Variants in IL21R observed in about 807,000 individuals in gnomAD.
IL21R encodes the protein interleukin 21 receptor, also known as interleukin-21 receptor.
In IL21R, 14 loss-of-function variants were observed where a neutral mutation model predicts 41.3. The ratio of observed to expected loss-of-function variants is 0.34; its 90% CI spans 0.22 to 0.53. The LOEUF is 0.53. Ranked by LOEUF, IL21R falls within the 20% of genes least tolerant of loss-of-function variation. The pLI is 0.94. For missense variants in IL21R, 588 were observed against 681.6 expected (o/e 0.86, Z 1.53); for synonymous variants, 286 against 287.6 (o/e 0.99, Z 0.05).
chr16:27,451,900 T>C lies in IL21R; in HGVS notation c.*2617T>C, dbSNP rs1225809951. ...AAAGCTTGAAGGAAGAATGATTGGT[T>C]GGATAGACAGAGATAAATGCATACT... On this transcript the variant is annotated 3_prime_UTR_variant, in exon 9 of 9. Coordinates refer to ENST00000337929, the MANE Select transcript of IL21R (RefSeq NM_181078.3). 1 of 229,996 alleles carries C rather than the reference T, an allele frequency of 4.3e-6. No individual in the cohort carries two copies. The highest frequency in any genetic ancestry group is 8.6e-6 in the Non-Finnish European group (1 of 116,046). The allele number at this position is 229,996 out of a possible 1,614,324, so 14.2% of individuals were successfully genotyped here.
intron 4 of IL21R, among the ~76,000 whole-genome samples, chr16:27,440,259 A>AGAGAGAGC (rs2087361919): frequency 7.4e-6 from 1 of 135,830 alleles, no homozygotes; most frequent in African/African-American, 3.0e-5. Flanking sequence ...AGAGAGAGAG[A>AGAGAGAGC]GAGAGAGAGA....
chr16:27,443,177 A>T, intron 5 of IL21R, 61 bp downstream of exon 5: 1 of 1,433,642 alleles, frequency 7.0e-7, no homozygotes, highest in Non-Finnish European at 9.5e-7. Context: ...CGGAGTGCAA[A>T]GGCATCTGGG....
chr16:27,442,440 T>C (rs1412947004), intron 4 of IL21R, among the ~76,000 whole-genome samples: 1 of 152,212 alleles, frequency 6.6e-6, no homozygotes, highest in Non-Finnish European at 1.5e-5. Context: ...CTTGGCTCAC[T>C]CCAAGCTCTG....
intron 8 of IL21R, 70 bp downstream of exon 8, chr16:27,446,158 C>A (rs2087474818): frequency 4.0e-6 from 5 of 1,244,066 alleles, no homozygotes; most frequent in South Asian, 1.3e-5. Context: ...CCTCCCCTCA[C>A]CCCAGGCTCC....
intron 1 of IL21R, among the ~76,000 whole-genome samples, chr16:27,424,986 A>G (rs569010377): frequency 6.6e-6 from 1 of 152,282 alleles, no homozygotes; most frequent in African/African-American, 2.4e-5. Flanking sequence ...ACTTCTGAAC[A>G]ATTAGATCTC....
At chr16:27,437,796 G>A in intron 4 of IL21R, 109 bp downstream of exon 4, 1 of 829,802 alleles carries the variant, frequency 1.2e-6, no homozygotes, top group Middle Eastern at 3.2e-4. Flanking sequence ...CCGTGTAGCT[G>A]GGACAACAGG....
intron 8 of IL21R, chr16:27,447,590 G>C (rs922737935): frequency 1.2e-4 from 18 of 152,262 alleles, no homozygotes; most frequent in Admixed American, 1.2e-3. Context: ...GCCTCAGCCA[G>C]CATCACCCAC....
chr16:27,415,671 A>C (rs2086885909), intron 1 of IL21R, among the ~76,000 whole-genome samples: 1 of 152,236 alleles, frequency 6.6e-6, no homozygotes, highest in Admixed American at 6.5e-5. Context: ...GGGCAATTTT[A>C]CAGCTTCCAT....
In IL21R at chr16:27,430,139, G is replaced by A; in HGVS notation, c.49+19G>A. The A allele has an allele frequency of 1.3e-6, 2 of 1,599,900 alleles. No homozygotes were observed. Among genetic ancestry groups the A allele is most frequent in the African/African-American group, 1.3e-5 (1 of 75,044 alleles). On this transcript the variant is annotated intron_variant, in intron 2 of 8. Transcript: ENST00000337929. The stretch of plus-strand genomic sequence containing the variant: ...CAGGGAGGTAAGTGGCTGCCCCGTG[G>A]TCTGCGGGTGGGGAGGGCCCCCATC...
At chr16:27,420,878 A>G (rs772547039) in intron 1 of IL21R, among the ~76,000 whole-genome samples, 4 of 152,240 alleles carry the variant, frequency 2.6e-5, no homozygotes, top group Non-Finnish European at 5.9e-5. Context: ...AAAAACTATT[A>G]TTGTCTCATA....
intron 4 of IL21R, among the ~76,000 whole-genome samples, chr16:27,440,745 T>C (rs1237948939): frequency 1.3e-5 from 2 of 151,856 alleles, no homozygotes; most frequent in Non-Finnish European, 2.9e-5. Context: ...TGTTAGATGG[T>C]GGCAGATTGA....
intron 1 of IL21R, among the ~76,000 whole-genome samples, chr16:27,421,427 A>C (rs999951062): frequency 6.6e-6 from 1 of 151,480 alleles, no homozygotes; most frequent in Non-Finnish European, 1.5e-5. Context: ...CATCTTGATA[A>C]CATTAAGTTT....
chr16:27,432,697 G>A (rs1264409225), intron 2 of IL21R, among the ~76,000 whole-genome samples: 1 of 152,194 alleles, frequency 6.6e-6, no homozygotes, highest in Non-Finnish European at 1.5e-5. Flanking sequence ...TCTCCACCAA[G>A]TGCTGGAACT....
intron 2 of IL21R, among the ~76,000 whole-genome samples, chr16:27,432,463 A>T (rs1017422554): frequency 6.6e-6 from 1 of 151,772 alleles, no homozygotes; most frequent in Non-Finnish European, 1.5e-5. Flanking sequence ...GCATTTTCCC[A>T]CCCTCTCATC....
intron 1 of IL21R, among the ~76,000 whole-genome samples, chr16:27,405,387 A>G (rs953375692): frequency 1.6e-5 from 1 of 62,038 alleles, no homozygotes; most frequent in African/African-American, 3.3e-5. Flanking sequence ...GAAAATACAG[A>G]AAAAAAATAA....
At chr16:27,415,288 A>G (rs2086880624) in intron 1 of IL21R, among the ~76,000 whole-genome samples, 1 of 152,242 alleles carries the variant, frequency 6.6e-6, no homozygotes, top group African/African-American at 2.4e-5. Context: ...AACAGCAGAA[A>G]CTTCCATGCA....
chr16:27,412,762 G>A (rs2086841359), intron 1 of IL21R, among the ~76,000 whole-genome samples: 1 of 151,956 alleles, frequency 6.6e-6, no homozygotes, highest in South Asian at 2.1e-4. Flanking sequence ...TTTTGCTTAA[G>A]TTTCTTTTTG....
chr16:27,445,054 C>T (rs2087454391), intron 6 of IL21R, 123 bp from the exon 7 acceptor site: 4 of 694,832 alleles, frequency 5.8e-6, no homozygotes, highest in African/African-American at 5.3e-5. Flanking sequence ...CTTCAAGACA[C>T]TAGCAGTAAC....
At chr16:27,414,568 C>T (rs1284406132) in intron 1 of IL21R, among the ~76,000 whole-genome samples, 4 of 151,952 alleles carry the variant, frequency 2.6e-5, no homozygotes, top group East Asian at 1.9e-4. Context: ...TCAATGAAAG[C>T]ACTGATGTGT....
Sources: allele counts gnomAD v4.1 joint callset (sites outside exome capture counted in the v4.1 genomes callset), GRCh38; gene constraint gnomAD v4.1.1; transcripts MANE v1.5; gene names NCBI Gene and HGNC (gene_info 2026-07-23, HGNC 2026-07-21).